ZFHX3: variants seen among roughly 807,000 people sequenced by gnomAD.
ZFHX3 encodes the protein zinc finger homeobox protein 3.
In ZFHX3, 42 loss-of-function variants were observed where a neutral mutation model predicts 279.1. The ratio of observed to expected loss-of-function variants is 0.15; its 90% confidence interval spans 0.12 to 0.19. The LOEUF is 0.19. ZFHX3 is among the 10% of genes least tolerant of loss of function. ZFHX3 has a pLI of 1.00. For synonymous variants in ZFHX3, 2,293 were observed against 1,957.8 expected, an observed-to-expected ratio of 1.17 and a Z score of -4.52; for missense variants, 4,981 against 4,754.0, an observed-to-expected ratio of 1.05 and a Z score of -1.40.
chr16:73,631,979 T>C lies in ZFHX3; in HGVS notation c.-1547+48201A>G, dbSNP rs576742391. Among the ~76,000 whole-genome samples the C allele has an allele frequency of 8.8e-4, 133 of 150,548 alleles. 1 individual carries two copies. The highest frequency in any genetic ancestry group is 2.5e-4 in the Non-Finnish European group (17 of 67,796). ...CACACACAAAGTTTTGCATCTCTAA[T>C]TATAAGTAACATTTATTTTAAATAA... is the stretch of plus-strand genomic sequence containing the variant. On this transcript the variant is annotated intron_variant, in intron 2 of 17. Coordinates refer to the ZFHX3 transcript ENST00000641206.
chr16:73,226,856 C>T (rs1246782477), intron 5 of ZFHX3, among the ~76,000 whole-genome samples: 1 of 152,170 alleles, frequency 6.6e-6, no homozygotes, highest in African/African-American at 2.4e-5. Flanking sequence ...TCTTCTAGCG[C>T]CTTCACGTGA....
intron 4 of ZFHX3, among the ~76,000 whole-genome samples, chr16:73,296,356 G>C (rs185989745): frequency 6.6e-6 from 1 of 152,118 alleles, no homozygotes; most frequent in Non-Finnish European, 1.5e-5. Flanking sequence ...GGAAGGATGG[G>C]AGAACTTTAA....
intron 2 of ZFHX3, among the ~76,000 whole-genome samples, chr16:73,607,995 G>A (rs530447874): frequency 3.9e-5 from 6 of 152,046 alleles, no homozygotes; most frequent in African/African-American, 1.4e-4. Flanking sequence ...GGTTGCCTGA[G>A]TCCAGGAGGT....
chr16:73,352,363 T>A (rs146767894), intron 3 of ZFHX3, among the ~76,000 whole-genome samples: 1 of 152,236 alleles, frequency 6.6e-6, no homozygotes, highest in Non-Finnish European at 1.5e-5. Context: ...GTGCCTGGAC[T>A]GCATTTCTTC....
intron 4 of ZFHX3, among the ~76,000 whole-genome samples, chr16:72,885,921 AC>A (rs1382250661): frequency 1.2e-4 from 19 of 152,198 alleles, no homozygotes; most frequent in African/African-American, 4.1e-4. Flanking sequence ...CCACAGGATG[AC>A]ATTTCTAGCT....
At chr16:73,381,357 A>G (rs1471001001) in intron 3 of ZFHX3, among the ~76,000 whole-genome samples, 1 of 152,200 alleles carries the variant, frequency 6.6e-6, no homozygotes, top group African/African-American at 2.4e-5. Context: ...ATAGCTATGA[A>G]AAGCATGAAA....
At chr16:73,811,684 A>G (rs770219256) in intron 1 of ZFHX3, among the ~76,000 whole-genome samples, 2 of 151,906 alleles carry the variant, frequency 1.3e-5, no homozygotes, top group Non-Finnish European at 2.9e-5. Context: ...TCACCTCATG[A>G]TCTGCCCACC....
intron 3 of ZFHX3, chr16:73,455,881 A>T (rs1339271943): frequency 6.6e-6 from 1 of 151,916 alleles, no homozygotes; most frequent in Non-Finnish European, 1.5e-5. Flanking sequence ...CATTATACCG[A>T]TTTGTGGCAC....
chr16:73,492,494 G>T (rs1007302017), intron 2 of ZFHX3, among the ~76,000 whole-genome samples: 4 of 152,194 alleles, frequency 2.6e-5, no homozygotes, highest in Non-Finnish European at 4.4e-5. Flanking sequence ...CAGGGAAGCT[G>T]CATGGCAGCA....
intron 1 of ZFHX3, among the ~76,000 whole-genome samples, chr16:73,717,690 C>G (rs1233427340): frequency 6.6e-6 from 1 of 152,190 alleles, no homozygotes; most frequent in African/African-American, 2.4e-5. Flanking sequence ...CTCTTCCCCC[C>G]AGTTCCTAAA....
chr16:73,103,481 G>T (rs1010925599), intron 7 of ZFHX3, among the ~76,000 whole-genome samples: 1 of 152,166 alleles, frequency 6.6e-6, no homozygotes, highest in Non-Finnish European at 1.5e-5. Context: ...GATGCTTGGC[G>T]AGAATTAATT....
At position 72,796,944 on chromosome 16, in the gene ZFHX3, A is replaced by G. The variant is rs2035928299; in HGVS notation, c.5738T>C (p.Leu1913Ser). Residue 1913 changes from leucine to serine, a missense_variant, in exon 9 of 10, where the codon TTG becomes TCG. Physicochemically the swap from Leu to Ser is moderately radical, Grantham distance 145. Transcript: ENST00000268489. ...CAACTCTTTCTTCTCTTTGGCCTTC[A>G]AGGCATCTGGCAGTGTTTCCTTCGG... ...TGPKETLPDA[L>S]KAKEKKELAP... 6.2e-7 allele frequency: 1 copy of G among 1,613,744 alleles called. No homozygotes were observed. The highest frequency in any genetic ancestry group is 1.3e-5 in the African/African-American group (1 of 74,830).
At chr16:72,951,353 C>T (rs944073491) in intron 2 of ZFHX3, among the ~76,000 whole-genome samples, 2 of 152,008 alleles carry the variant, frequency 1.3e-5, no homozygotes, top group Admixed American at 6.5e-5. Context: ...CTCTGCCTCC[C>T]GGGTTCAAGC....
intron 3 of ZFHX3, among the ~76,000 whole-genome samples, chr16:73,341,928 C>A (rs1192333528): frequency 6.6e-6 from 1 of 152,068 alleles, no homozygotes; most frequent in African/African-American, 2.4e-5. Context: ...TTGCCTCGGG[C>A]TGGGGGTTAT....
At chr16:73,389,748 G>C (rs1043111180) in intron 3 of ZFHX3, among the ~76,000 whole-genome samples, 4 of 152,212 alleles carry the variant, frequency 2.6e-5, no homozygotes, top group African/African-American at 9.7e-5. Flanking sequence ...GGCCAGTCAG[G>C]AAAAGGGGGA....
chr16:73,330,830 G>A (rs1208071602), intron 3 of ZFHX3, among the ~76,000 whole-genome samples: 1 of 152,200 alleles, frequency 6.6e-6, no homozygotes, highest in African/African-American at 2.4e-5. Flanking sequence ...GTCTGGCTTT[G>A]TCCTTTCTGA....
chr16:73,467,975 G>A (rs905409545), intron 2 of ZFHX3, among the ~76,000 whole-genome samples: 16 of 152,220 alleles, frequency 1.1e-4, no homozygotes, highest in African/African-American at 3.1e-4. Flanking sequence ...AAAGGCTGAT[G>A]CAAGTCTTTA....
chr16:73,189,602 T>C (rs1967984892), intron 5 of ZFHX3, among the ~76,000 whole-genome samples: 1 of 152,218 alleles, frequency 6.6e-6, no homozygotes, highest in Admixed American at 6.5e-5. Context: ...GAGAGGATTT[T>C]GCTTTTTGCA....
chr16:73,767,068 T>C (rs2053956893), intron 1 of ZFHX3, among the ~76,000 whole-genome samples: 1 of 151,944 alleles, frequency 6.6e-6, no homozygotes, highest in Admixed American at 6.6e-5. Context: ...CCTGAGTAGC[T>C]GGGATTACAG....
Sources: gnomAD v4.1 joint callset for allele counts (sites outside exome capture counted in the v4.1 genomes callset) on GRCh38, gnomAD v4.1.1 for gene constraint, MANE v1.5 for transcripts, NCBI Gene and HGNC (gene_info 2026-07-23, HGNC 2026-07-21) for gene names.